The following RGS17 variants were observed in gnomAD, a reference collection of about 807,000 sequenced individuals.
RGS17 encodes regulator of G-protein signaling 17.
A neutral mutation model predicts 25.5 loss-of-function variants in RGS17; 12 were observed. The observed-to-expected ratio is 0.47, with a 90% CI of 0.30 to 0.76. RGS17 has a LOEUF of 0.76. Ranked by LOEUF, RGS17 falls within the 30% of genes least tolerant of loss-of-function variation. The pLI is 0.07. For missense variants in RGS17, 196 were observed against 242.2 expected (o/e 0.81, Z 1.27); for synonymous variants, 71 against 76.9 (o/e 0.92, Z 0.40).
rs538063424 is a variant in RGS17, at chr6:153,110,010, G to C, written c.-26+21114C>G. ...GTTTCCTAATATTTGTTTTTACTTT[G>C]ATATGGAAACATTTTAAATTTCTCA... On this transcript the variant is annotated intron_variant, in intron 1 of 4. Transcript: ENST00000206262. 3.9e-5 allele frequency among the ~76,000 whole-genome samples: 6 copies of C among 152,296 alleles called. No individual in the cohort carries two copies. In the South Asian group the frequency reaches 1.0e-3, roughly 26 times the overall value.
chr6:153,016,839 G>A (rs1779190205), intron 4 of RGS17, among the ~76,000 whole-genome samples: 1 of 152,174 alleles, frequency 6.6e-6, no homozygotes, highest in African/African-American at 2.4e-5. Context: ...TTCAGAATGT[G>A]GATCATCTAT....
chr6:153,093,277 A>C (rs1328677837), intron 1 of RGS17, among the ~76,000 whole-genome samples: 1 of 152,132 alleles, frequency 6.6e-6, no homozygotes, highest in African/African-American at 2.4e-5. Context: ...CGTTCATGCT[A>C]TCTACAGGCA....
intron 1 of RGS17, among the ~76,000 whole-genome samples, chr6:153,114,616 G>C (rs981769265): frequency 6.6e-6 from 1 of 152,146 alleles, no homozygotes; most frequent in Non-Finnish European, 1.5e-5. Flanking sequence ...AAACCTGGCA[G>C]AGACACAACA....
intron 1 of RGS17, among the ~76,000 whole-genome samples, chr6:153,101,229 T>G (rs1320025097): frequency 1.3e-5 from 2 of 152,234 alleles, no homozygotes; most frequent in Non-Finnish European, 2.9e-5. Context: ...GGATTTGAAC[T>G]GCGGAGTCCA....
intron 1 of RGS17, among the ~76,000 whole-genome samples, chr6:153,123,845 G>C (rs955465770): frequency 2.6e-5 from 4 of 152,124 alleles, no homozygotes; most frequent in Non-Finnish European, 5.9e-5. Flanking sequence ...GATTACGCAG[G>C]GTAGCCTACA....
In RGS17 at chr6:153,005,062, C is replaced by G. The variant is rs1041412961; in HGVS notation, c.*6512G>C. On this transcript the variant is annotated 3_prime_UTR_variant, in exon 5 of 5. Transcript: ENST00000206262. Reference sequence around the variant, plus strand: ...TACAAGAAAGGTGTTTATGACAAATCGGTTAAAGCTAGCGGGAAATAGGTC... The same window carrying G: ...TACAAGAAAGGTGTTTATGACAAATGGGTTAAAGCTAGCGGGAAATAGGTC... 6.6e-6 allele frequency: 1 copy of G among 152,202 alleles called. No homozygotes were observed. The highest frequency in any genetic ancestry group is 2.4e-5 in the African/African-American group (1 of 41,532). 9.4% of individuals were successfully genotyped at this position (152,202 alleles called of 1,614,324 possible).
In RGS17 at chr6:153,005,351, C is replaced by T. The variant is rs1269544686; in HGVS notation, c.*6223G>A. On this transcript the variant is annotated 3_prime_UTR_variant, in exon 5 of 5. Coordinates refer to ENST00000206262, the MANE Select transcript of RGS17 (RefSeq NM_012419.5). ...CCACTTCACTGTATTTTCTTTATAG[C>T]ATTTATTAGTAATCACTTAGTGGAA... 3 of 152,062 alleles carry T rather than the reference C, an allele frequency of 2.0e-5. No homozygotes were observed. Among genetic ancestry groups the T allele is most frequent in the African/African-American group, 4.8e-5 (2 of 41,384 alleles). The allele number at this position is 152,062 out of a possible 1,614,324, so 9.4% of individuals were successfully genotyped here.
intron 1 of RGS17, among the ~76,000 whole-genome samples, chr6:153,053,733 C>T (rs1230874361): frequency 6.6e-6 from 1 of 150,618 alleles, no homozygotes; most frequent in African/African-American, 2.4e-5. Context: ...TTCGAGGCTG[C>T]AGTGACCTAG....
At chr6:153,127,931 C>T (rs1777726281) in intron 1 of RGS17, among the ~76,000 whole-genome samples, 1 of 152,178 alleles carries the variant, frequency 6.6e-6, no homozygotes, top group Admixed American at 6.5e-5. Flanking sequence ...TTACACCTGC[C>T]TTTGCCACAT....
rs1779100765 is a variant in RGS17 at position 153,008,527 on chromosome 6, A to G, written c.*3047T>C. On this transcript the variant is annotated 3_prime_UTR_variant, in exon 5 of 5. Transcript: ENST00000206262. Reference sequence around the variant, plus strand: ...CTGGTGTGATTAATGTACAAGATCAATCTCTGAAGAAATCTGGCTCTCCAA... The same window carrying G: ...CTGGTGTGATTAATGTACAAGATCAGTCTCTGAAGAAATCTGGCTCTCCAA... 1 of 152,208 alleles carries G rather than the reference A, an allele frequency of 6.6e-6. No individual in the cohort carries two copies. Among genetic ancestry groups the G allele is most frequent in the South Asian group, 2.1e-4 (1 of 4,838 alleles). 9.4% of individuals were successfully genotyped at this position (152,208 alleles called of 1,614,324 possible).
At chr6:153,064,203 G>T (rs886465252) in intron 1 of RGS17, among the ~76,000 whole-genome samples, 1 of 152,178 alleles carries the variant, frequency 6.6e-6, no homozygotes, top group Non-Finnish European at 1.5e-5. Flanking sequence ...CTATAACATT[G>T]TAACTGTGGT....
At chr6:153,075,828 T>G (rs1776869485) in intron 1 of RGS17, among the ~76,000 whole-genome samples, 1 of 152,240 alleles carries the variant, frequency 6.6e-6, no homozygotes. Flanking sequence ...AGAAAAGTTT[T>G]TGTGTGTGTA....
At position 153,042,485 on chromosome 6, in the gene RGS17, T is replaced by A. The variant is rs1776335027; in HGVS notation, c.119+1415A>T. Among the ~76,000 whole-genome samples, 5 of 152,328 alleles carry A rather than the reference T, an allele frequency of 3.3e-5. No individual in the cohort carries two copies. In the South Asian group the frequency reaches 1.0e-3, roughly 32 times the overall value. ...CTCTTGCCTGCCACAATGTAAGACATGCCTTTGCTCCTCCTTTACCTTCTG... is the reference window on the plus strand; with the variant it reads ...CTCTTGCCTGCCACAATGTAAGACAAGCCTTTGCTCCTCCTTTACCTTCTG... On this transcript the variant is annotated intron_variant, in intron 2 of 4. Transcript: ENST00000206262.
chr6:153,077,814 C>A (rs1265333248), intron 1 of RGS17, among the ~76,000 whole-genome samples: 4 of 152,002 alleles, frequency 2.6e-5, no homozygotes, highest in Admixed American at 2.6e-4. Flanking sequence ...GACATACTGA[C>A]CATATATCTG....
chr6:153,091,680 T>C (rs140960120), intron 1 of RGS17, among the ~76,000 whole-genome samples: 2,492 of 152,184 alleles, frequency 0.016, 74 homozygotes, highest in African/African-American at 0.056. Context: ...ACATGGCTAA[T>C]TTTTGTATTT....
At chr6:153,034,675 A>G (rs1480029409) in intron 2 of RGS17, among the ~76,000 whole-genome samples, 2 of 152,158 alleles carry the variant, frequency 1.3e-5, no homozygotes, top group Non-Finnish European at 2.9e-5. Context: ...TTCCAGTGCC[A>G]TGGGTCTTTC....
intron 1 of RGS17, among the ~76,000 whole-genome samples, chr6:153,049,009 TAAG>T (rs1335536102): frequency 6.6e-6 from 1 of 152,056 alleles, no homozygotes; most frequent in Non-Finnish European, 1.5e-5. Flanking sequence ...CTATTAACGA[TAAG>T]AAGAAAACAA....
intron 2 of RGS17, among the ~76,000 whole-genome samples, chr6:153,027,265 G>C (rs904707342): frequency 6.6e-6 from 1 of 152,100 alleles, no homozygotes; most frequent in Non-Finnish European, 1.5e-5. Context: ...GAAGGTTTTA[G>C]TAGCCCAGAA....
chr6:153,072,800 C>T (rs1329144738), intron 1 of RGS17, among the ~76,000 whole-genome samples: 1 of 151,960 alleles, frequency 6.6e-6, no homozygotes, highest in Non-Finnish European at 1.5e-5. Context: ...AACTTGGAAT[C>T]ACTAGAGTTA....
Sources: gnomAD v4.1 joint callset for allele counts (sites outside exome capture counted in the v4.1 genomes callset) on GRCh38, gnomAD v4.1.1 for gene constraint, MANE v1.5 for transcripts, NCBI Gene and HGNC (gene_info 2026-07-23, HGNC 2026-07-21) for gene names.